The following SLC22A2 variants were observed in gnomAD, a reference collection of about 807,000 sequenced individuals.
SLC22A2 encodes the protein organic cation transporter 2.
A neutral mutation model predicts 60.5 loss-of-function variants in SLC22A2; 46 were observed. The ratio of observed to expected loss-of-function variants is 0.76; its 90% confidence interval spans 0.60 to 0.97. The LOEUF (loss-of-function observed/expected upper bound fraction) is 0.97. Ranked by LOEUF, SLC22A2 falls within the 50% of genes least tolerant of loss-of-function variation. The probability of loss-of-function intolerance (pLI) is 0.00; values close to 1 mark genes in which losing one functional copy is unlikely to be tolerated. For synonymous variants in SLC22A2, 303 were observed against 267.0 expected, an observed-to-expected ratio of 1.13 and a Z score of -1.31; for missense variants, 701 against 706.6, an observed-to-expected ratio of 0.99 and a Z score of 0.09.
chr6:160,242,020 C>T (rs575736454), intron 8 of SLC22A2, among the ~76,000 whole-genome samples: 7 of 152,068 alleles, frequency 4.6e-5, no homozygotes, highest in African/African-American at 1.4e-4. Context: ...TTTCTATGGA[C>T]CTGTTTGTGC....
intron 1 of SLC22A2, among the ~76,000 whole-genome samples, 193 bp downstream of exon 1, chr6:160,258,151 T>C (rs1180842127): frequency 6.6e-6 from 1 of 152,260 alleles, no homozygotes; most frequent in African/African-American, 2.4e-5. Flanking sequence ...GAGGACGTTT[T>C]AACTAATCCA....
chr6:160,249,766 A>C (rs903737673), intron 3 of SLC22A2, among the ~76,000 whole-genome samples: 1 of 152,234 alleles, frequency 6.6e-6, no homozygotes, highest in Non-Finnish European at 1.5e-5. Context: ...GTAAATGAAC[A>C]CCTGAGTATA....
At chr6:160,248,390 G>A (rs62442373) in intron 4 of SLC22A2, among the ~76,000 whole-genome samples, 25 of 152,192 alleles carry the variant, frequency 1.6e-4, no homozygotes, top group Non-Finnish European at 3.1e-4. Flanking sequence ...TAAGTACCCG[G>A]TCCATGGCAT....
At chr6:160,237,734 C>T (rs2114860288) in intron 9 of SLC22A2, among the ~76,000 whole-genome samples, 1 of 152,290 alleles carries the variant, frequency 6.6e-6, no homozygotes, top group East Asian at 1.9e-4. Context: ...CTGAGACTTA[C>T]AGGGCTGCAT....
chr6:160,253,230 C>G (rs780905774), intron 2 of SLC22A2, among the ~76,000 whole-genome samples: 46 of 152,172 alleles, frequency 3.0e-4, no homozygotes, highest in Non-Finnish European at 5.9e-4. Flanking sequence ...GGAGTCTGTT[C>G]TGTACTCATA....
intron 4 of SLC22A2, among the ~76,000 whole-genome samples, chr6:160,248,976 AAATGTAAG>A (rs1783139443): frequency 6.6e-6 from 1 of 152,212 alleles, no homozygotes; most frequent in South Asian, 2.1e-4. Context: ...AATAATGTGG[AAATGTAAG>A]ATCCAAGTCA....
intron 9 of SLC22A2, 118 bp downstream of exon 9, chr6:160,241,356 T>C: frequency 1.6e-6 from 1 of 643,556 alleles, no homozygotes; most frequent in Non-Finnish European, 2.8e-6. Flanking sequence ...ATTACTACTA[T>C]GAGTAGTAAT....
intron 10 of SLC22A2, among the ~76,000 whole-genome samples, chr6:160,222,834 A>T (rs1329692128): frequency 6.6e-6 from 1 of 152,222 alleles, no homozygotes; most frequent in Non-Finnish European, 1.5e-5. Context: ...ATATCTTCTC[A>T]GTGTTACCAA....
rs1375674247 is a variant in SLC22A2, at chr6:160,237,143, G to A, written c.1501+4331C>T. Among the ~76,000 whole-genome samples the A allele has an allele frequency of 2.0e-5, 3 of 152,122 alleles. No individual in the cohort carries two copies. The East Asian group carries it at 5.8e-4, about 29-fold the overall frequency. ...TCTTCCTGCACTTTAGACTGACCCT[G>A]CTCATTCCAACGAGTGATTCCTGCA... On this transcript the variant is annotated intron_variant, in intron 9 of 10. Coordinates refer to ENST00000366953, the MANE Select transcript of SLC22A2 (RefSeq NM_003058.4).
chr6:160,258,647 G>A lies in SLC22A2; in HGVS notation c.111C>T (p.Tyr37=), dbSNP rs1327909917. 1.2e-6 allele frequency: 2 copies of A among 1,613,742 alleles called. No homozygotes were observed. Among genetic ancestry groups the A allele is most frequent in the East Asian group, 2.2e-5 (1 of 44,892 alleles). ...ALLSATFAPI[Y]VGIVFLGFTP... is the part of the protein sequence containing the mutation. ...TGAAGCCCAGGAAGACGATGCCCACGTAGATGGGCGCGAAGGTAGCCGAGA... is the reference window on the plus strand; with the variant it reads ...TGAAGCCCAGGAAGACGATGCCCACATAGATGGGCGCGAAGGTAGCCGAGA... The change falls in exon 1 of 11, where the codon TAC becomes TAT. Residue 37 remains tyrosine, a synonymous_variant. Coordinates refer to ENST00000366953, the MANE Select transcript of SLC22A2 (RefSeq NM_003058.4).
At chr6:160,253,921 C>A (rs1415800089) in intron 2 of SLC22A2, among the ~76,000 whole-genome samples, 1 of 152,158 alleles carries the variant, frequency 6.6e-6, no homozygotes, top group Non-Finnish European at 1.5e-5. Flanking sequence ...ATAAACACTA[C>A]AAACTGGGGC....
intron 9 of SLC22A2, among the ~76,000 whole-genome samples, chr6:160,236,325 T>C (rs1583394878): frequency 6.6e-6 from 1 of 152,344 alleles, no homozygotes; most frequent in East Asian, 1.9e-4. Context: ...GTATTCTTTT[T>C]TAATTTTTTG....
At chr6:160,220,446 C>G (rs562475375) in intron 10 of SLC22A2, among the ~76,000 whole-genome samples, 2 of 152,184 alleles carry the variant, frequency 1.3e-5, no homozygotes, top group South Asian at 4.1e-4. Context: ...GGGCTGTAAT[C>G]AACTTCTTCA....
chr6:160,256,703 A>G lies in SLC22A2; in HGVS notation c.429T>C (p.Cys143=), dbSNP rs1339185056. 4 of 1,613,508 alleles carry G rather than the reference A, an allele frequency of 2.5e-6. No homozygotes were observed. Among genetic ancestry groups the G allele is most frequent in the Non-Finnish European group, 2.5e-6 (3 of 1,179,414 alleles). Residue 143 remains cysteine, a synonymous_variant, in exon 2 of 11, where the codon TGT becomes TGC. Coordinates refer to ENST00000366953, the MANE Select transcript of SLC22A2 (RefSeq NM_003058.4). The part of the protein sequence containing the change: ...SSIVTEFNLV[C]ANSWMLDLFQ... Reference sequence around the variant, plus strand: ...ATAGGTCCAACATCCAGGAGTTGGCACATACCAGGTTAAACTGCCAGCAGG... The same window carrying G: ...ATAGGTCCAACATCCAGGAGTTGGCGCATACCAGGTTAAACTGCCAGCAGG...
chr6:160,255,767 C>T (rs536370760), intron 2 of SLC22A2, among the ~76,000 whole-genome samples: 38 of 152,282 alleles, frequency 2.5e-4, no homozygotes, highest in African/African-American at 7.0e-4. Flanking sequence ...TTAGCCCTGA[C>T]GGCCAAGTTA....
chr6:160,221,169 A>T (rs1466116281), intron 10 of SLC22A2, among the ~76,000 whole-genome samples: 1 of 152,206 alleles, frequency 6.6e-6, no homozygotes, highest in East Asian at 1.9e-4. Context: ...TTAGATCTGG[A>T]TAACTTGCTG....
At chr6:160,218,213 T>C (rs1782573179) in intron 10 of SLC22A2, 1 of 271,298 alleles carries the variant, frequency 3.7e-6, no homozygotes, top group Admixed American at 5.1e-5. Context: ...AATCACCCTA[T>C]GGTTTTGGAA....
Position 160,246,683 on chromosome 6 carries a change from A to G in SLC22A2, c.957+501T>C, listed in dbSNP as rs144484152. Reference sequence around the variant, plus strand: ...AATCGCTTGAACCTGGGAAGTGGAGATTGCAGTGAGCCGAGATTGTGCCAC... The same window carrying G: ...AATCGCTTGAACCTGGGAAGTGGAGGTTGCAGTGAGCCGAGATTGTGCCAC... On this transcript the variant is annotated intron_variant, in intron 5 of 10. Coordinates refer to ENST00000366953, the MANE Select transcript of SLC22A2 (RefSeq NM_003058.4). Among the ~76,000 whole-genome samples the G allele has an allele frequency of 4.2e-4, 64 of 152,144 alleles. No homozygotes were observed. The Middle Eastern group carries it at 0.014, about 32-fold the overall frequency.
At chr6:160,256,480 A>G (rs1302729544) in intron 2 of SLC22A2, 134 bp downstream of exon 2, 1 of 645,648 alleles carries the variant, frequency 1.5e-6, no homozygotes, top group Non-Finnish European at 2.8e-6. Flanking sequence ...GATTGTAAAA[A>G]CACCAGCATG....
Sources: allele counts gnomAD v4.1 joint callset (sites outside exome capture counted in the v4.1 genomes callset), GRCh38; gene constraint gnomAD v4.1.1; transcripts MANE v1.5; gene names NCBI Gene and HGNC (gene_info 2026-07-23, HGNC 2026-07-21).